VDAC1: variants seen among roughly 807,000 people sequenced by gnomAD.
VDAC1 encodes the protein non-selective voltage-gated ion channel VDAC1.
VDAC1 carries 10 observed loss-of-function variants against 34.7 expected under a neutral mutation model. The ratio of observed to expected loss-of-function variants is 0.29; its 90% CI spans 0.18 to 0.49. VDAC1 has a LOEUF of 0.49. VDAC1 is among the 20% of genes least tolerant of loss of function. The probability of loss-of-function intolerance (pLI) is 0.99; values close to 1 mark genes in which losing one functional copy is unlikely to be tolerated. For synonymous variants in VDAC1, 130 were observed against 136.0 expected (o/e 0.96, Z 0.30); for missense variants, 230 against 347.9 (o/e 0.66, Z 2.69).
chr5:134,031,672 C>A, the VDAC1 span, among the ~76,000 whole-genome samples: 1 of 152,098 alleles, frequency 6.6e-6, no homozygotes, highest in Non-Finnish European at 1.5e-5. Flanking sequence ...AAAAATTAGG[C>A]CAGGCGCAGT....
the VDAC1 span, among the ~76,000 whole-genome samples, chr5:134,054,852 G>A: frequency 1.6e-4 from 24 of 152,288 alleles, no homozygotes; most frequent in East Asian, 3.5e-3. Context: ...AGGAAGCGGC[G>A]ACTGAGCTGC....
chr5:134,064,837 C>A, the VDAC1 span, among the ~76,000 whole-genome samples: 1 of 151,946 alleles, frequency 6.6e-6, no homozygotes, highest in African/African-American at 2.4e-5. Flanking sequence ...CCCACCTCAG[C>A]CTCCCAAGTA....
In VDAC1 at chr5:133,991,113, T is replaced by C. The variant is rs746571954; in HGVS notation, c.159A>G (p.Lys53=). 1.9e-6 allele frequency: 3 copies of C among 1,613,532 alleles called. No individual in the cohort carries two copies. The highest frequency in any genetic ancestry group is 4.5e-5 in the East Asian group (2 of 44,888). Residue 53 remains lysine (K), a synonymous_variant, in exon 4 of 9, where the codon AAA becomes AAG. Coordinates refer to ENST00000265333, the MANE Select transcript of VDAC1 (RefSeq NM_003374.3). ...ACTTGGTTTCCAGACTGCCCGTCAC[T>C]TTGGTGGTCTCAGTGTTGGCTGAGC... ...SSGSANTETT[K]VTGSLETKYR...
At chr5:133,995,700 C>T (rs1007573696) in intron 1 of VDAC1, among the ~76,000 whole-genome samples, 3 of 152,208 alleles carry the variant, frequency 2.0e-5, no homozygotes, top group Admixed American at 6.5e-5. Flanking sequence ...ACAGCTCTGC[C>T]GCTCCGAGAA....
the VDAC1 span, among the ~76,000 whole-genome samples, chr5:134,097,179 CCT>C: frequency 1.3e-5 from 2 of 152,200 alleles, no homozygotes; most frequent in Non-Finnish European, 2.9e-5. Context: ...ATAATAGTAC[CCT>C]GTTTTCTTTT....
chr5:133,978,517 C>G (rs1244327641), intron 6 of VDAC1, among the ~76,000 whole-genome samples: 2 of 152,154 alleles, frequency 1.3e-5, no homozygotes, highest in Admixed American at 6.5e-5. Context: ...GCCTGATTCA[C>G]AGAGAATCCT....
chr5:134,052,751 C>T, the VDAC1 span, among the ~76,000 whole-genome samples: 2 of 152,182 alleles, frequency 1.3e-5, no homozygotes, highest in African/African-American at 4.8e-5. Context: ...GTGCTCTACA[C>T]ACATGCTCAT....
the VDAC1 span, among the ~76,000 whole-genome samples, chr5:134,020,559 A>C: frequency 6.6e-6 from 1 of 152,154 alleles, no homozygotes; most frequent in Non-Finnish European, 1.5e-5. Context: ...CATCCTGCCC[A>C]GTCATAAGGC....
intron 7 of VDAC1, among the ~76,000 whole-genome samples, chr5:133,975,095 T>G (rs1007188959): frequency 1.3e-5 from 2 of 151,802 alleles, no homozygotes; most frequent in Admixed American, 6.6e-5. Context: ...AGTGAGACAT[T>G]GTCTCTACTA....
At chr5:134,057,172 T>C in the VDAC1 span, among the ~76,000 whole-genome samples, 1 of 151,960 alleles carries the variant, frequency 6.6e-6, no homozygotes, top group Non-Finnish European at 1.5e-5. Flanking sequence ...CTGTCTCTAC[T>C]AAAAATATAA....
chr5:134,056,864 T>C, the VDAC1 span, among the ~76,000 whole-genome samples: 2 of 151,656 alleles, frequency 1.3e-5, no homozygotes, highest in African/African-American at 4.8e-5. Flanking sequence ...TTTGTATTTT[T>C]AGTAGAGATG....
chr5:134,030,292 A>G, the VDAC1 span, among the ~76,000 whole-genome samples: 7 of 152,122 alleles, frequency 4.6e-5, no homozygotes, highest in East Asian at 1.4e-3. Context: ...GGTGAGCAAG[A>G]TCGTGCCATT....
At chr5:134,023,080 C>T in the VDAC1 span, among the ~76,000 whole-genome samples, 13,894 of 152,168 alleles carry the variant, frequency 0.091, 897 homozygotes, top group South Asian at 0.21. Flanking sequence ...AACCCAAATG[C>T]CCATCAGTGA....
At chr5:134,024,973 C>T in the VDAC1 span, among the ~76,000 whole-genome samples, 5 of 152,248 alleles carry the variant, frequency 3.3e-5, no homozygotes, top group Non-Finnish European at 7.3e-5. Context: ...CTGAAGGCAG[C>T]CACATGCATG....
At chr5:134,056,762 C>G in the VDAC1 span, among the ~76,000 whole-genome samples, 2 of 152,058 alleles carry the variant, frequency 1.3e-5, no homozygotes, top group Admixed American at 6.6e-5. Flanking sequence ...CTTGGCTCAC[C>G]GCAACCTCCG....
chr5:134,074,067 C>T, the VDAC1 span, among the ~76,000 whole-genome samples: 2 of 152,010 alleles, frequency 1.3e-5, no homozygotes, highest in African/African-American at 2.4e-5. Flanking sequence ...AATCCCAGCA[C>T]TTTGGGAGGC....
chr5:134,105,849 C>T, the VDAC1 span, among the ~76,000 whole-genome samples: 3 of 152,268 alleles, frequency 2.0e-5, no homozygotes, highest in Non-Finnish European at 4.4e-5. Context: ...CTAGAAACTC[C>T]CTCTTTCTAG....
chr5:134,017,431 G>A, the VDAC1 span, among the ~76,000 whole-genome samples: 2 of 152,070 alleles, frequency 1.3e-5, no homozygotes, highest in Non-Finnish European at 2.9e-5. Flanking sequence ...ACTCCAGCCT[G>A]GGCAACAAGA....
At chr5:134,027,201 A>G in the VDAC1 span, among the ~76,000 whole-genome samples, 1 of 152,182 alleles carries the variant, frequency 6.6e-6, no homozygotes, top group Non-Finnish European at 1.5e-5. Context: ...CAGATTCTCA[A>G]GAGTCAATGG....
Sources: allele counts gnomAD v4.1 joint callset (sites outside exome capture counted in the v4.1 genomes callset), GRCh38; gene constraint gnomAD v4.1.1; transcripts MANE v1.5; gene names NCBI Gene and HGNC (gene_info 2026-07-23, HGNC 2026-07-21).